SHLD1: variants seen among roughly 807,000 people sequenced by gnomAD.
SHLD1 encodes shieldin complex subunit 1.
In SHLD1, 3 loss-of-function variants were observed where a neutral mutation model predicts 5.5. The ratio of observed to expected loss-of-function variants is 0.54; its 90% confidence interval spans 0.25 to 1.40. SHLD1 has a LOEUF of 1.40. Among genes scored for constraint, SHLD1 ranks in the 40% most tolerant of loss-of-function variants. SHLD1 has a pLI of 0.15. For missense variants in SHLD1, 210 were observed against 244.4 expected (o/e 0.86, Z 0.94); for synonymous variants, 92 against 94.3 (o/e 0.98, Z 0.14).
intron 1 of SHLD1, among the ~76,000 whole-genome samples, chr20:5,751,335 C>T (rs961530308): frequency 2.0e-5 from 3 of 152,068 alleles, no homozygotes; most frequent in African/African-American, 7.3e-5. Flanking sequence ...TCTCATGACT[C>T]TCACTCTGTA....
At chr20:5,762,844 G>C (rs899840225) in intron 1 of SHLD1, among the ~76,000 whole-genome samples, 2 of 151,904 alleles carry the variant, frequency 1.3e-5, no homozygotes, top group African/African-American at 4.8e-5. Context: ...GTGGTAGTGC[G>C]CGCCTGTAGT....
chr20:5,767,122 A>ATTTTCTTTTCTTTTC (rs60269759), intron 1 of SHLD1, among the ~76,000 whole-genome samples: 279 of 149,330 alleles, frequency 1.9e-3, no homozygotes, highest in Middle Eastern at 3.5e-3. Context: ...CTCCATTCAC[A>ATTTTCTTTTCTTTTC]TTTTCTTTTC....
chr20:5,760,679 C>A (rs144286432), intron 1 of SHLD1, among the ~76,000 whole-genome samples: 2,367 of 150,798 alleles, frequency 0.016, 61 homozygotes, highest in African/African-American at 0.055. Context: ...GGCGACAGAG[C>A]GAGACTCTGT....
intron 2 of SHLD1, among the ~76,000 whole-genome samples, chr20:5,823,131 T>C: frequency 6.6e-6 from 1 of 151,746 alleles, no homozygotes. Flanking sequence ...ACACTGTTGA[T>C]CCCCCCCTTC....
At chr20:5,800,211 C>T (rs2087272094) in intron 2 of SHLD1, among the ~76,000 whole-genome samples, 1 of 152,178 alleles carries the variant, frequency 6.6e-6, no homozygotes, top group African/African-American at 2.4e-5. Context: ...TTCAAGGCTG[C>T]CTGAGCTACA....
chr20:5,806,935 C>T lies in SHLD1; in HGVS notation c.178+33892C>T, dbSNP rs187542215. Among the ~76,000 whole-genome samples, 6 of 152,324 alleles carry T rather than the reference C, an allele frequency of 3.9e-5. No individual in the cohort carries two copies. The East Asian group carries it at 5.8e-4, about 15-fold the overall frequency. ...TAGCACCGAAGAGTGAGTGAGTGGTCGTGTAACCTGTACCTGCAATCTTGG... is the reference window on the plus strand; with the variant it reads ...TAGCACCGAAGAGTGAGTGAGTGGTTGTGTAACCTGTACCTGCAATCTTGG... On this transcript the variant is annotated intron_variant, in intron 2 of 2. Coordinates refer to ENST00000303142, the MANE Select transcript of SHLD1 (RefSeq NM_152504.4). This position sits in a 1 kb window ranked among gnomAD's most constrained non-coding sequence, Gnocchi z 7.6.
intron 2 of SHLD1, among the ~76,000 whole-genome samples, chr20:5,852,088 T>A (rs970004539): frequency 6.6e-6 from 1 of 152,144 alleles, no homozygotes; most frequent in African/African-American, 2.4e-5. Context: ...AAAAGCTCCC[T>A]GAGGCCTCCT....
chr20:5,854,394 C>T (rs1218129325), intron 2 of SHLD1, among the ~76,000 whole-genome samples: 1 of 152,118 alleles, frequency 6.6e-6, no homozygotes, highest in Non-Finnish European at 1.5e-5. Context: ...GTGATTTGTC[C>T]GCGTTGGCCT....
intron 2 of SHLD1, among the ~76,000 whole-genome samples, chr20:5,798,795 T>A (rs918065082): frequency 6.6e-6 from 1 of 151,102 alleles, no homozygotes. Flanking sequence ...TTTTTTTGTA[T>A]TTTTAATAGA....
In SHLD1 at chr20:5,863,912, A is replaced by C; in HGVS notation, c.*449A>C. 6.5e-6 allele frequency: 1 copy of C among 154,506 alleles called. No individual in the cohort carries two copies. The highest frequency in any genetic ancestry group is 1.4e-5 in the Non-Finnish European group (1 of 69,798). The allele number at this position is 154,506 out of a possible 1,614,324, so 9.6% of individuals were successfully genotyped here. On this transcript the variant is annotated 3_prime_UTR_variant, in exon 3 of 3. Transcript: ENST00000303142. ...TCCTTAATAAACCTCTTATATCTGA[A>C]TCCTTGACTCAGAGTCTACTTCTGG... is the stretch of plus-strand genomic sequence containing the variant.
At chr20:5,764,457 G>C (rs1404387926) in intron 1 of SHLD1, among the ~76,000 whole-genome samples, 1 of 149,454 alleles carries the variant, frequency 6.7e-6, no homozygotes, top group Non-Finnish European at 1.5e-5. Flanking sequence ...TGGGGAGCCA[G>C]AGTGTGAAGA....
At chr20:5,832,127 G>A (rs1406280612) in intron 2 of SHLD1, among the ~76,000 whole-genome samples, 4 of 152,230 alleles carry the variant, frequency 2.6e-5, no homozygotes, top group Non-Finnish European at 4.4e-5. Flanking sequence ...TTTCAATAGC[G>A]ATGGGGTTTC....
chr20:5,760,359 C>T (rs78540943), intron 1 of SHLD1, among the ~76,000 whole-genome samples: 3,197 of 151,818 alleles, frequency 0.021, 28 homozygotes, highest in Non-Finnish European at 0.028. Flanking sequence ...TTAGGAAGTT[C>T]CTCTCTGCTG....
chr20:5,851,540 A>G (rs60351327), intron 2 of SHLD1, among the ~76,000 whole-genome samples: 3,527 of 151,994 alleles, frequency 0.023, 127 homozygotes, highest in African/African-American at 0.08. Context: ...CCGTTGTCCA[A>G]TAAAAATATT....
chr20:5,848,310 C>T (rs138096563), intron 2 of SHLD1, among the ~76,000 whole-genome samples: 2 of 152,212 alleles, frequency 1.3e-5, no homozygotes, highest in East Asian at 3.9e-4. Flanking sequence ...GAGGCCGAGG[C>T]GGGCAGATCA....
chr20:5,751,467 C>G (rs573713255), intron 1 of SHLD1, among the ~76,000 whole-genome samples: 1 of 151,986 alleles, frequency 6.6e-6, no homozygotes, highest in East Asian at 1.9e-4. Flanking sequence ...CCACCACGTT[C>G]GACTAATTTT....
At chr20:5,804,838 C>G (rs1489609108) in intron 2 of SHLD1, among the ~76,000 whole-genome samples, 1 of 152,200 alleles carries the variant, frequency 6.6e-6, no homozygotes, top group Non-Finnish European at 1.5e-5. Flanking sequence ...AGAGATTCCA[C>G]ATATTCAAAG....
intron 2 of SHLD1, among the ~76,000 whole-genome samples, chr20:5,833,693 C>T (rs9753619): frequency 6.7e-6 from 1 of 149,702 alleles, no homozygotes; most frequent in African/African-American, 2.5e-5. Flanking sequence ...GAGAGAGAGA[C>T]AGAGACAGGG....
intron 1 of SHLD1, among the ~76,000 whole-genome samples, chr20:5,757,340 GT>G (rs1421779240): frequency 2.6e-5 from 4 of 151,904 alleles, no homozygotes; most frequent in African/African-American, 9.7e-5. Flanking sequence ...ACCTCCCAAA[GT>G]GCCTGGTGTA....
Sources: allele counts gnomAD v4.1 joint callset (sites outside exome capture counted in the v4.1 genomes callset), GRCh38; gene constraint gnomAD v4.1.1; non-coding constraint Gnocchi (gnomAD v3.1); transcripts MANE v1.5; gene names NCBI Gene and HGNC (gene_info 2026-07-23, HGNC 2026-07-21).